Variants in LRRC40 observed in about 807,000 individuals in gnomAD.
The protein encoded by LRRC40 is leucine-rich repeat-containing protein 40.
LRRC40 carries 76 observed loss-of-function variants against 72.8 expected under a neutral mutation model. That is an observed-to-expected ratio of 1.04 (90% CI 0.87 to 1.26). The LOEUF is 1.26. Among genes scored for constraint, LRRC40 ranks in the 50% most tolerant of loss-of-function variants. The pLI is 0.00. For missense variants in LRRC40, 684 were observed against 698.9 expected, an observed-to-expected ratio of 0.98 and a Z score of 0.24; for synonymous variants, 243 against 254.2, an observed-to-expected ratio of 0.96 and a Z score of 0.42.
chr1:70,154,182 AT>A (rs1460329427), intron 11 of LRRC40, among the ~76,000 whole-genome samples: 1 of 152,080 alleles, frequency 6.6e-6, no homozygotes, highest in Non-Finnish European at 1.5e-5. Context: ...GTTCATTAAA[AT>A]TTTTTTAAAA....
chr1:70,151,251 T>G (rs1667480922), intron 12 of LRRC40, 46 bp from the exon 13 acceptor site: 1 of 890,958 alleles, frequency 1.1e-6, no homozygotes, highest in Admixed American at 2.0e-5. Flanking sequence ...TTGAAAAATT[T>G]TACAAGTTTA....
At chr1:70,168,900 G>A (rs1667944385) in intron 9 of LRRC40, among the ~76,000 whole-genome samples, 1 of 152,164 alleles carries the variant, frequency 6.6e-6, no homozygotes, top group Admixed American at 6.5e-5. Context: ...CAAAACGTAT[G>A]AGCTGTAGAT....
chr1:70,160,337 T>C (rs939631680), intron 9 of LRRC40, among the ~76,000 whole-genome samples: 2 of 152,192 alleles, frequency 1.3e-5, no homozygotes, highest in Admixed American at 6.5e-5. Context: ...TTCTCTTGCA[T>C]TGAGCTCATC....
At chr1:70,154,422 C>CA (rs2100236948) in intron 11 of LRRC40, among the ~76,000 whole-genome samples, 1 of 152,178 alleles carries the variant, frequency 6.6e-6, no homozygotes, top group Admixed American at 6.5e-5. Flanking sequence ...TCTTTATTCC[C>CA]AATTAACTTA....
intron 9 of LRRC40, among the ~76,000 whole-genome samples, chr1:70,160,874 A>T (rs568571884): frequency 1.3e-5 from 2 of 152,118 alleles, no homozygotes; most frequent in Non-Finnish European, 2.9e-5. Context: ...TCAAAATTTC[A>T]AATTGAAAGG....
intron 1 of LRRC40, among the ~76,000 whole-genome samples, chr1:70,191,837 A>G (rs934265927): frequency 3.3e-5 from 5 of 152,210 alleles, no homozygotes; most frequent in African/African-American, 1.2e-4. Context: ...ATGGAGTTGG[A>G]TATTATAAAA....
At chr1:70,159,046 T>C (rs960354942) in intron 10 of LRRC40, among the ~76,000 whole-genome samples, 4 of 152,216 alleles carry the variant, frequency 2.6e-5, no homozygotes, top group African/African-American at 9.6e-5. Flanking sequence ...TATTTCATCA[T>C]GGTTTTTTGC....
intron 13 of LRRC40, 45 bp from the exon 14 acceptor site, chr1:70,148,717 C>T (rs1219277035): frequency 2.6e-6 from 3 of 1,148,932 alleles, no homozygotes; most frequent in Non-Finnish European, 3.7e-6. Flanking sequence ...GGAATCAGAC[C>T]AAAATCATTC....
chr1:70,205,230 C>G (rs1042947279), intron 1 of LRRC40, among the ~76,000 whole-genome samples, 160 bp downstream of exon 1: 2 of 152,188 alleles, frequency 1.3e-5, no homozygotes, highest in Admixed American at 6.5e-5. Flanking sequence ...ACTGGGCTAA[C>G]CAAACCGGTC....
Position 70,181,142 on chromosome 1 carries a change from A to G in LRRC40, c.605T>C (p.Leu202Pro). 6.2e-7 allele frequency: 1 copy of G among 1,600,816 alleles called. No homozygotes were observed. ...SFSSLSSLVRLNLSSNELKSL... is the reference protein window; with the variant it reads ...SFSSLSSLVRPNLSSNELKSL... ...CTTCAGTTCATTACTAGAAAGATTGAGTCGCACCAGACTGGACAGAGAAGA... is the reference window on the plus strand; with the variant it reads ...CTTCAGTTCATTACTAGAAAGATTGGGTCGCACCAGACTGGACAGAGAAGA... The change falls in exon 5 of 15, where the codon CTC becomes CCC. Residue 202 changes from leucine to proline, a missense_variant. Leu to Pro is a moderately conservative substitution (Grantham distance 98). Coordinates refer to ENST00000370952, the MANE Select transcript of LRRC40 (RefSeq NM_017768.5).
intron 14 of LRRC40, among the ~76,000 whole-genome samples, chr1:70,146,814 T>A (rs998531328): frequency 6.6e-6 from 1 of 152,208 alleles, no homozygotes; most frequent in Non-Finnish European, 1.5e-5. Flanking sequence ...ATTTACATGT[T>A]CTGAGAGTTC....
intron 1 of LRRC40, among the ~76,000 whole-genome samples, chr1:70,197,775 T>C (rs1476934847): frequency 1.3e-5 from 2 of 151,998 alleles, no homozygotes. Context: ...AAATGGTGTT[T>C]GCACAGAAGG....
intron 6 of LRRC40, among the ~76,000 whole-genome samples, chr1:70,176,550 A>C (rs1471168152): frequency 6.6e-6 from 1 of 151,358 alleles, no homozygotes; most frequent in Non-Finnish European, 1.5e-5. Context: ...AAAAAAAAAA[A>C]AAACCAAAGT....
rs774232544 is a variant in LRRC40 at position 70,151,184 on chromosome 1, C to A, written c.1461G>T (p.Leu487Phe). The A allele has an allele frequency of 2.4e-5, 38 of 1,584,296 alleles. No homozygotes were observed. In the Admixed American group the frequency reaches 2.5e-4, roughly 11 times the overall value. Residue 487 changes from leucine to phenylalanine, a missense_variant, in exon 13 of 15, where the codon TTG (leucine) becomes TTT (phenylalanine). Coordinates refer to ENST00000370952, the MANE Select transcript of LRRC40 (RefSeq NM_017768.5). ...TTACCAGTGATTCCATTTCTTCTGGCAAAGAATTTAAAAAATTGTTCCTAA... is the reference window on the plus strand; with the variant it reads ...TTACCAGTGATTCCATTTCTTCTGGAAAAGAATTTAAAAAATTGTTCCTAA... Reference protein sequence around the residue: ...LDLRNNFLNSLPEEMESLVRL... With the variant: ...LDLRNNFLNSFPEEMESLVRL...
At chr1:70,153,835 T>C (rs754176535) in intron 11 of LRRC40, among the ~76,000 whole-genome samples, 14 of 151,882 alleles carry the variant, frequency 9.2e-5, no homozygotes, top group Non-Finnish European at 1.8e-4. Flanking sequence ...TAGTGGGGTG[T>C]GGTGGCATAT....
intron 1 of LRRC40, among the ~76,000 whole-genome samples, chr1:70,190,356 C>A (rs947193221): frequency 2.0e-5 from 3 of 151,892 alleles, no homozygotes; most frequent in African/African-American, 7.3e-5. Flanking sequence ...CAAAGCCAAG[C>A]CCCTGAAAGG....
intron 1 of LRRC40, among the ~76,000 whole-genome samples, chr1:70,191,425 CT>C (rs562415782): frequency 5.3e-5 from 8 of 152,144 alleles, no homozygotes; most frequent in Admixed American, 5.2e-4. Flanking sequence ...ATAAAAATAC[CT>C]GTTACCCATC....
chr1:70,162,420 T>A (rs1667785902), intron 9 of LRRC40, among the ~76,000 whole-genome samples: 1 of 152,140 alleles, frequency 6.6e-6, no homozygotes, highest in South Asian at 2.1e-4. Context: ...GGGAACTTGT[T>A]AGAAATGCAA....
At chr1:70,199,487 C>T (rs1310641977) in intron 1 of LRRC40, among the ~76,000 whole-genome samples, 1 of 152,158 alleles carries the variant, frequency 6.6e-6, no homozygotes, top group Non-Finnish European at 1.5e-5. Context: ...TATGGATTTT[C>T]TGCTGCCTCT....
Sources: gnomAD v4.1 joint callset for allele counts (sites outside exome capture counted in the v4.1 genomes callset) on GRCh38, gnomAD v4.1.1 for gene constraint, MANE v1.5 for transcripts, NCBI Gene and HGNC (gene_info 2026-07-23, HGNC 2026-07-21) for gene names.